IFRD1: variants seen among roughly 807,000 people sequenced by gnomAD.
The protein encoded by IFRD1 is interferon related developmental regulator 1, also known as interferon-related developmental regulator 1.
Under a neutral mutation model 52.9 loss-of-function variants are expected in IFRD1, and 35 were observed. That is an observed-to-expected ratio of 0.66 (90% confidence interval 0.51 to 0.88). IFRD1 has a LOEUF of 0.88. Ranked by LOEUF, IFRD1 falls within the 40% of genes least tolerant of loss-of-function variation. The probability of loss-of-function intolerance (pLI) is 0.00; values close to 1 mark genes in which losing one functional copy is unlikely to be tolerated. For synonymous variants in IFRD1, 184 were observed against 188.4 expected (o/e 0.98, Z 0.19); for missense variants, 517 against 550.8 (o/e 0.94, Z 0.61).
At chr7:112,459,644 G>A (rs1795382381) in intron 5 of IFRD1, among the ~76,000 whole-genome samples, 1 of 152,124 alleles carries the variant, frequency 6.6e-6, no homozygotes, top group South Asian at 2.1e-4. Context: ...CTTAAGGTAA[G>A]TAACATTAAT....
intron 1 of IFRD1, among the ~76,000 whole-genome samples, chr7:112,433,976 C>T (rs528711880): frequency 6.8e-5 from 10 of 148,146 alleles, no homozygotes; most frequent in Admixed American, 2.7e-4. Context: ...TGAGCCACCA[C>T]GCCCAGCTAA....
Position 112,450,485 on chromosome 7 carries a change from A to T in IFRD1, c.-204A>T. On this transcript the variant is annotated 5_prime_UTR_variant, in exon 1 of 12. Transcript: ENST00000403825. Reference sequence around the variant, plus strand: ...GCCTTAGCTCCCGCGCTAGAGAGAAACATGTATCGTTTTCGATCACAGCTC... The same window carrying T: ...GCCTTAGCTCCCGCGCTAGAGAGAATCATGTATCGTTTTCGATCACAGCTC... 1.6e-6 allele frequency: 1 copy of T among 608,696 alleles called. No homozygotes were observed. Among genetic ancestry groups the T allele is most frequent in the South Asian group, 1.9e-5 (1 of 53,080 alleles). The allele number at this position is 608,696 out of a possible 1,614,324, so 37.7% of individuals were successfully genotyped here. A position where few individuals can be genotyped will look rare whatever the true frequency, so the allele number is the denominator to read the frequency against.
chr7:112,472,479 T>A, intron 10 of IFRD1, 132 bp downstream of exon 10: 1 of 1,020,744 alleles, frequency 9.8e-7, no homozygotes, highest in South Asian at 1.3e-5. Flanking sequence ...TAAACTTGTT[T>A]TTGAAAGTAG....
intron 3 of IFRD1, 21 bp from the exon 4 acceptor site, chr7:112,456,893 C>T: frequency 6.2e-7 from 1 of 1,612,168 alleles, no homozygotes; most frequent in South Asian, 1.1e-5. Context: ...TCTTCTTTCT[C>T]TTACATTGGG....
rs537349223 is a variant in IFRD1 at position 112,441,108 on chromosome 7, T to C, written c.-181-9400T>C. Reference sequence around the variant, plus strand: ...GGCCAACATGGTGAAACCCTGTCTTTACGAAAAACACAAAAATTAGCTGGG... The same window carrying C: ...GGCCAACATGGTGAAACCCTGTCTTCACGAAAAACACAAAAATTAGCTGGG... On this transcript the variant is annotated intron_variant, in intron 1 of 12. Transcript: ENST00000005558. Among the ~76,000 whole-genome samples the C allele has an allele frequency of 3.1e-4, 47 of 152,066 alleles. No homozygotes were observed. In the South Asian group the frequency reaches 9.6e-3, roughly 31 times the overall value.
At chr7:112,450,443 G>T (rs1417375797), upstream of IFRD1, 5 of 550,468 alleles carry the variant, frequency 9.1e-6, no homozygotes, top group East Asian at 1.6e-4. Flanking sequence ...TTAAGGCGTC[G>T]TGGCCTCCCC....
At chr7:112,436,407 T>G (rs1291563361) in intron 1 of IFRD1, among the ~76,000 whole-genome samples, 1 of 152,174 alleles carries the variant, frequency 6.6e-6, no homozygotes, top group Non-Finnish European at 1.5e-5. Flanking sequence ...AAAATGAATG[T>G]AGGGGGATTA....
intron 9 of IFRD1, among the ~76,000 whole-genome samples, chr7:112,469,937 AGTT>A (rs1037839963): frequency 8.5e-6 from 1 of 117,704 alleles, no homozygotes; most frequent in African/African-American, 3.3e-5. Flanking sequence ...CTTTGCTGAG[AGTT>A]GTTTCTCTTT....
At chr7:112,441,291 A>G (rs1231302357) in intron 1 of IFRD1, among the ~76,000 whole-genome samples, 1 of 151,768 alleles carries the variant, frequency 6.6e-6, no homozygotes, top group East Asian at 1.9e-4. Flanking sequence ...AACAAAAACA[A>G]AAACAAAAAC....
intron 1 of IFRD1, chr7:112,452,215 G>C (rs957312687): frequency 7.6e-6 from 5 of 660,522 alleles, no homozygotes; most frequent in Non-Finnish European, 5.6e-6. Context: ...GCTGGAGTGC[G>C]GTGTGGTGTG....
At chr7:112,462,458 G>C (rs1453090928) in intron 8 of IFRD1, 80 bp downstream of exon 8, 1 of 979,696 alleles carries the variant, frequency 1.0e-6, no homozygotes, top group Non-Finnish European at 1.6e-6. Flanking sequence ...TGAGAATTGG[G>C]CAATAACTTT....
At chr7:112,427,575 G>A (rs147924204) in intron 1 of IFRD1, among the ~76,000 whole-genome samples, 3 of 152,208 alleles carry the variant, frequency 2.0e-5, no homozygotes, top group Admixed American at 6.5e-5. Context: ...TTGTAGAAAC[G>A]TAACTTGATG....
chr7:112,432,036 A>G (rs1224708554), intron 1 of IFRD1, among the ~76,000 whole-genome samples: 1 of 152,238 alleles, frequency 6.6e-6, no homozygotes, highest in African/African-American at 2.4e-5. Context: ...GCTAGACGAT[A>G]TTAGTCATCA....
chr7:112,433,881 C>T (rs1270250269), intron 1 of IFRD1, among the ~76,000 whole-genome samples: 2 of 152,150 alleles, frequency 1.3e-5, no homozygotes, highest in African/African-American at 4.8e-5. Flanking sequence ...AGTGCAGTGG[C>T]GTGATCTTGG....
intron 1 of IFRD1, among the ~76,000 whole-genome samples, chr7:112,438,013 T>G (rs1244885104): frequency 6.6e-6 from 1 of 151,752 alleles, no homozygotes; most frequent in East Asian, 1.9e-4. Context: ...AGGTAAAGAG[T>G]GGCGTAGGGG....
At position 112,476,836 on chromosome 7, in the gene IFRD1, G is replaced by C. The variant is rs542220995; in HGVS notation, c.*1317G>C. 1.3e-5 allele frequency: 2 copies of C among 152,296 alleles called. No individual in the cohort carries two copies. Among genetic ancestry groups the C allele is most frequent in the Non-Finnish European group, 1.5e-5 (1 of 68,034 alleles). 9.4% of individuals were successfully genotyped at this position (152,296 alleles called of 1,614,324 possible). On this transcript the variant is annotated 3_prime_UTR_variant, in exon 12 of 12. Coordinates refer to ENST00000403825, the MANE Select transcript of IFRD1 (RefSeq NM_001550.4). ...ATACTCTTGCTGTAGGTCGCCGTGA[G>C]GGGTAGGGAAGCATATATACTGTAG...
intron 1 of IFRD1, among the ~76,000 whole-genome samples, chr7:112,428,426 G>A (rs1337315897): frequency 6.6e-6 from 1 of 152,198 alleles, no homozygotes; most frequent in Non-Finnish European, 1.5e-5. Context: ...TTGCAATGGA[G>A]TAGTTAAGAG....
intron 1 of IFRD1, among the ~76,000 whole-genome samples, chr7:112,430,471 G>A (rs976998939): frequency 6.6e-6 from 1 of 152,204 alleles, no homozygotes; most frequent in Non-Finnish European, 1.5e-5. Context: ...GGGAAGATGT[G>A]TGGAACAGGT....
intron 1 of IFRD1, among the ~76,000 whole-genome samples, chr7:112,453,137 C>T (rs755787913): frequency 3.3e-5 from 5 of 152,132 alleles, no homozygotes; most frequent in Non-Finnish European, 7.4e-5. Context: ...CAAATGAGGT[C>T]TCCACTATGT....
Sources: gnomAD v4.1 joint callset for allele counts (sites outside exome capture counted in the v4.1 genomes callset) on GRCh38, gnomAD v4.1.1 for gene constraint, MANE v1.5 for transcripts, NCBI Gene and HGNC (gene_info 2026-07-23, HGNC 2026-07-21) for gene names.